SDK1: variants seen among roughly 807,000 people sequenced by gnomAD.
SDK1 encodes protein sidekick-1.
Under a neutral mutation model 245.5 loss-of-function variants are expected in SDK1, and 157 were observed. The observed-to-expected ratio is 0.64, with a 90% CI of 0.56 to 0.73. The LOEUF is 0.73. SDK1 is among the 30% of genes least tolerant of loss of function. SDK1 has a pLI of 0.00. For missense variants in SDK1, 3,583 were observed against 3,002.3 expected (o/e 1.19, Z -4.52); for synonymous variants, 1,647 against 1,278.5 (o/e 1.29, Z -6.15).
chr7:3,840,269 G>C (rs1405571676), intron 5 of SDK1, among the ~76,000 whole-genome samples: 1 of 152,118 alleles, frequency 6.6e-6, no homozygotes, highest in Admixed American at 6.5e-5. Flanking sequence ...CGGAAGAGGA[G>C]GGGGAGAAGA....
In SDK1 at chr7:4,265,449, A is replaced by G. The variant is rs1015616242; in HGVS notation, c.*65A>G. ...CTTTCCGGAGTCTATTTTTGTTAAGACAATCAACTCCAATAACTGAGCTGA... is the reference window on the plus strand; with the variant it reads ...CTTTCCGGAGTCTATTTTTGTTAAGGCAATCAACTCCAATAACTGAGCTGA... On this transcript the variant is annotated 3_prime_UTR_variant, in exon 45 of 45. Transcript: ENST00000404826. The G allele has an allele frequency of 8.2e-5, 114 of 1,396,112 alleles. No individual in the cohort carries two copies. The highest frequency in any genetic ancestry group is 1.0e-4 in the Non-Finnish European group (112 of 1,083,356). The allele number at this position is 1,396,112 out of a possible 1,614,324, so 86.5% of individuals were successfully genotyped here. A position where few individuals can be genotyped will look rare whatever the true frequency, so the allele number is the denominator to read the frequency against.
At position 4,007,805 on chromosome 7, in the gene SDK1, C is replaced by T. The variant is rs192380423; in HGVS notation, c.2132-3161C>T. On this transcript the variant is annotated intron_variant, in intron 14 of 44. Coordinates refer to ENST00000404826, the MANE Select transcript of SDK1 (RefSeq NM_152744.4). ...ATTTTTAGTAGAGGCGGGGTTTCAC[C>T]GTCTTGGCCAGGCTGGTCTTGAACT... Among the ~76,000 whole-genome samples, 1,348 of 152,158 alleles carry T rather than the reference C, an allele frequency of 8.9e-3. 18 individuals are homozygous for T. Among genetic ancestry groups the T allele is most frequent in the African/African-American group, 0.03 (1,251 of 41,488 alleles).
At chr7:3,434,700 G>A (rs1779969402) in intron 1 of SDK1, among the ~76,000 whole-genome samples, 1 of 152,066 alleles carries the variant, frequency 6.6e-6, no homozygotes, top group Non-Finnish European at 1.5e-5. Flanking sequence ...CAGTTCTCTC[G>A]ATTTGCCTCC....
chr7:3,644,734 C>T (rs568268574), intron 4 of SDK1, among the ~76,000 whole-genome samples: 34 of 132,496 alleles, frequency 2.6e-4, no homozygotes, highest in Middle Eastern at 4.2e-3. Context: ...GATGGTGCCA[C>T]TGTACTCCAG....
intron 22 of SDK1, among the ~76,000 whole-genome samples, chr7:4,083,753 TC>T (rs1781243884): frequency 2.8e-3 from 1 of 362 alleles, no homozygotes; most frequent in African/African-American, 0.01. Context: ...TTCCTTTACT[TC>T]CTGTCTCCCT....
At chr7:3,546,455 A>G (rs557229554) in intron 1 of SDK1, among the ~76,000 whole-genome samples, 15 of 152,368 alleles carry the variant, frequency 9.8e-5, no homozygotes, top group African/African-American at 3.1e-4. Flanking sequence ...CTCTGAAGGT[A>G]TCTTCTTACA....
chr7:4,252,982 A>G (rs767979909), intron 44 of SDK1, among the ~76,000 whole-genome samples: 17 of 152,084 alleles, frequency 1.1e-4, no homozygotes, highest in Non-Finnish European at 2.2e-4. Flanking sequence ...GGCAGTGGTA[A>G]TTAATATCAA....
intron 4 of SDK1, among the ~76,000 whole-genome samples, chr7:3,676,515 C>T (rs996776588): frequency 3.3e-5 from 5 of 151,716 alleles, no homozygotes; most frequent in African/African-American, 9.7e-5. Flanking sequence ...TTAGTAGAGA[C>T]GGGGTTTCAC....
intron 17 of SDK1, among the ~76,000 whole-genome samples, chr7:4,033,784 G>A (rs1256879833): frequency 2.6e-5 from 4 of 152,130 alleles, no homozygotes; most frequent in African/African-American, 9.7e-5. Flanking sequence ...AAATGCAAAA[G>A]TCTGACAATA....
chr7:3,655,866 C>G (rs1783167013), intron 4 of SDK1, among the ~76,000 whole-genome samples: 1 of 152,028 alleles, frequency 6.6e-6, no homozygotes, highest in South Asian at 2.1e-4. Flanking sequence ...GTTAGCTATT[C>G]TCAAGGAAGT....
intron 42 of SDK1, among the ~76,000 whole-genome samples, chr7:4,241,018 C>T (rs1786483842): frequency 6.6e-6 from 1 of 152,154 alleles, no homozygotes; most frequent in South Asian, 2.1e-4. Context: ...AAACCCAGTG[C>T]AATTATTTTT....
At chr7:4,006,904 C>T (rs892810124) in intron 14 of SDK1, among the ~76,000 whole-genome samples, 3 of 152,198 alleles carry the variant, frequency 2.0e-5, no homozygotes, top group Non-Finnish European at 4.4e-5. Context: ...GCCAGGCTGG[C>T]GGGATGGGGC....
At chr7:3,311,272 T>G (rs1779543216) in intron 1 of SDK1, among the ~76,000 whole-genome samples, 1 of 151,982 alleles carries the variant, frequency 6.6e-6, no homozygotes, top group African/African-American at 2.4e-5. Context: ...AGTATTGGGA[T>G]GGAAAAAATG....
chr7:4,233,201 A>T, intron 40 of SDK1, 54 bp from the exon 41 acceptor site: 1 of 1,565,126 alleles, frequency 6.4e-7, no homozygotes, highest in East Asian at 2.3e-5. Context: ...TGGGGCTCGC[A>T]TCTGGGACTT....
At chr7:3,673,046 G>C (rs1783770477) in intron 4 of SDK1, among the ~76,000 whole-genome samples, 1 of 151,710 alleles carries the variant, frequency 6.6e-6, no homozygotes, top group South Asian at 2.1e-4. Context: ...AGCTCTTGCT[G>C]ATAGTAAATA....
chr7:3,669,339 A>G (rs1346224747), intron 4 of SDK1, among the ~76,000 whole-genome samples: 1 of 152,128 alleles, frequency 6.6e-6, no homozygotes, highest in African/African-American at 2.4e-5. Flanking sequence ...CAGAATTTTT[A>G]TATTTGGAAC....
At chr7:4,215,136 C>T (rs1784720504) in intron 38 of SDK1, among the ~76,000 whole-genome samples, 1 of 152,218 alleles carries the variant, frequency 6.6e-6, no homozygotes. Flanking sequence ...CCAGGCCTGT[C>T]CGACAAGCCA....
intron 37 of SDK1, among the ~76,000 whole-genome samples, chr7:4,209,560 G>A (rs559118040): frequency 1.3e-5 from 2 of 152,294 alleles, no homozygotes; most frequent in South Asian, 2.1e-4. Context: ...GAGATTTCAC[G>A]TGCAGGAGCC....
intron 1 of SDK1, among the ~76,000 whole-genome samples, chr7:3,508,323 CTTCT>C (rs1169183112): frequency 7.0e-5 from 9 of 128,982 alleles, no homozygotes; most frequent in African/African-American, 2.4e-4. Context: ...TCTTCTTCTT[CTTCT>C]TTTTTTTTTT....
Sources: gnomAD v4.1 joint callset for allele counts (sites outside exome capture counted in the v4.1 genomes callset) on GRCh38, gnomAD v4.1.1 for gene constraint, MANE v1.5 for transcripts, NCBI Gene and HGNC (gene_info 2026-07-23, HGNC 2026-07-21) for gene names.